Variants in CELF2 observed in about 807,000 individuals in gnomAD.
CELF2 encodes the protein CUG triplet repeat RNA-binding protein 2.
Under a neutral mutation model 62.6 loss-of-function variants are expected in CELF2, and 8 were observed. The observed-to-expected ratio is 0.13, with a 90% CI of 0.07 to 0.23. The LOEUF is 0.23. Among genes scored for constraint, CELF2 ranks in the 10% least tolerant of loss-of-function variants. CELF2 has a pLI of 1.00. For synonymous variants in CELF2, 258 were observed against 250.0 expected, an observed-to-expected ratio of 1.03 and a Z score of -0.30; for missense variants, 333 against 671.0, an observed-to-expected ratio of 0.50 and a Z score of 5.56.
intron 2 of CELF2, among the ~76,000 whole-genome samples, chr10:10,951,204 T>TA (rs2048281754): frequency 6.6e-6 from 1 of 152,168 alleles, no homozygotes; most frequent in Non-Finnish European, 1.5e-5. Flanking sequence ...AGGCTGGAGA[T>TA]ACGATCATAG....
chr10:10,673,803 T>C, the CELF2 span, among the ~76,000 whole-genome samples: 1 of 152,210 alleles, frequency 6.6e-6, no homozygotes, highest in African/African-American at 2.4e-5. Flanking sequence ...TAGAAGTCTA[T>C]TTTTTAATCT....
intron 2 of CELF2, among the ~76,000 whole-genome samples, chr10:10,940,266 C>G (rs1024068183): frequency 6.6e-6 from 1 of 151,990 alleles, no homozygotes; most frequent in Non-Finnish European, 1.5e-5. Flanking sequence ...TGTTTTTTTA[C>G]AAGATTAGCA....
intron 2 of CELF2, among the ~76,000 whole-genome samples, chr10:11,182,631 T>C (rs1314916974): frequency 6.6e-6 from 1 of 152,086 alleles, no homozygotes; most frequent in Non-Finnish European, 1.5e-5. Context: ...GAAGAGAAAA[T>C]GAGAGTGGAA....
chr10:10,571,812 A>G, the CELF2 span, among the ~76,000 whole-genome samples: 1 of 152,182 alleles, frequency 6.6e-6, no homozygotes, highest in Non-Finnish European at 1.5e-5. Flanking sequence ...TTAGAAGTGA[A>G]GTATAGGCAC....
the CELF2 span, among the ~76,000 whole-genome samples, chr10:10,709,331 A>G: frequency 6.6e-6 from 1 of 152,234 alleles, no homozygotes; most frequent in Non-Finnish European, 1.5e-5. Flanking sequence ...AGAAATCTCC[A>G]GTTTCCTCTT....
chr10:11,122,004 T>C (rs2057850035), intron 1 of CELF2, among the ~76,000 whole-genome samples: 1 of 152,236 alleles, frequency 6.6e-6, no homozygotes, highest in Non-Finnish European at 1.5e-5. Context: ...TGGCAGATTA[T>C]GAGTTCATCT....
chr10:10,600,649 A>G, the CELF2 span, among the ~76,000 whole-genome samples: 1 of 152,216 alleles, frequency 6.6e-6, no homozygotes, highest in East Asian at 1.9e-4. Flanking sequence ...AAACTGATAC[A>G]TGTATTTAAC....
intron 1 of CELF2, among the ~76,000 whole-genome samples, chr10:11,049,238 C>G (rs1203228904): frequency 1.4e-5 from 2 of 146,362 alleles, no homozygotes; most frequent in African/African-American, 2.5e-5. Flanking sequence ...AACTGCCTGT[C>G]TTTTTTTCTC....
rs1374342953 is a variant in CELF2 at position 11,223,577 on chromosome 10, C to T, written c.354+6070C>T. Among the ~76,000 whole-genome samples, 1 of 152,208 alleles carries T rather than the reference C, an allele frequency of 6.6e-6. No individual in the cohort carries two copies. The highest frequency in any genetic ancestry group is 2.4e-5 in the African/African-American group (1 of 41,464). On this transcript the variant is annotated intron_variant, in intron 3 of 12. Coordinates refer to ENST00000633077, the MANE Select transcript of CELF2 (RefSeq NM_001326342.2). This position sits in a 1 kb window ranked among gnomAD's most constrained non-coding sequence, Gnocchi z 5.1. ...AAAAGCCAAACAAACAAAATAAGGA[C>T]TTTGTTTCTCTTGGAGATGACTTTT...
Position 11,267,125 on chromosome 10 carries a change from T to G in CELF2, c.618+448T>G, listed in dbSNP as rs1362037976. On this transcript the variant is annotated intron_variant, in intron 6 of 12. Coordinates refer to ENST00000633077, the MANE Select transcript of CELF2 (RefSeq NM_001326342.2). This position sits in a 1 kb window ranked among gnomAD's most constrained non-coding sequence, Gnocchi z 4.4. The stretch of plus-strand genomic sequence containing the variant: ...TCGTTTGTACAGGGTCAAGTTATCT[T>G]CCATCTAGTCAAACAGCATTGTGTT... 6.6e-6 allele frequency among the ~76,000 whole-genome samples: 1 copy of G among 152,232 alleles called. No individual in the cohort carries two copies. The highest frequency in any genetic ancestry group is 1.5e-5 in the Non-Finnish European group (1 of 68,046).
intron 1 of CELF2, among the ~76,000 whole-genome samples, chr10:10,883,890 TCCTCTTCTTCCTCCC>T (rs1248398494): frequency 4.0e-5 from 6 of 151,798 alleles, no homozygotes; most frequent in African/African-American, 1.5e-4. Flanking sequence ...CTCCTCCTCC[TCCTCTTCTTCCTCCC>T]CCTCTTCCTC....
In CELF2 at chr10:11,288,497, C is replaced by A. The variant is rs767886674; in HGVS notation, c.921C>A (p.Thr307=). ...AAAAQTSATS[T]NANPLSTTSS... The stretch of plus-strand genomic sequence containing the variant: ...CGGCCCAGACCTCAGCCACCAGCAC[C>A]AATGCAAACCCTCTCTCTACCACGA... The change falls in exon 9 of 13, where the codon ACC becomes ACA. Residue 307 remains threonine, a synonymous_variant. Transcript: ENST00000633077. The A allele has an allele frequency of 1.5e-5, 25 of 1,613,856 alleles. No individual in the cohort carries two copies. In the African/African-American group the frequency reaches 2.8e-4, roughly 18 times the overall value.
chr10:10,714,008 C>A, the CELF2 span, among the ~76,000 whole-genome samples: 10 of 152,190 alleles, frequency 6.6e-5, no homozygotes, highest in Middle Eastern at 3.4e-3. Flanking sequence ...GCACTCCAGC[C>A]TGGGCAACAG....
the CELF2 span, among the ~76,000 whole-genome samples, chr10:10,493,866 G>C: frequency 6.6e-6 from 1 of 152,124 alleles, no homozygotes; most frequent in African/African-American, 2.4e-5. Context: ...GCGGTAGGCT[G>C]CTCTGTGCCC....
At chr10:11,210,208 A>G (rs1243357639) in intron 2 of CELF2, among the ~76,000 whole-genome samples, 2 of 152,260 alleles carry the variant, frequency 1.3e-5, no homozygotes, top group Non-Finnish European at 2.9e-5. Flanking sequence ...AATAAAAAAA[A>G]GAAAAAATAT....
intron 1 of CELF2, among the ~76,000 whole-genome samples, chr10:10,881,485 C>T: frequency 6.6e-6 from 1 of 152,104 alleles, no homozygotes; most frequent in East Asian, 1.9e-4. Flanking sequence ...AACTTAATGC[C>T]TCTCTCCAAA....
chr10:10,859,613 A>G (rs1277539991), intron 1 of CELF2, among the ~76,000 whole-genome samples: 1 of 152,164 alleles, frequency 6.6e-6, no homozygotes, highest in African/African-American at 2.4e-5. Context: ...AACCACACAC[A>G]CATACACACA....
chr10:11,298,766 T>C (rs538393832), intron 9 of CELF2, among the ~76,000 whole-genome samples: 1 of 152,318 alleles, frequency 6.6e-6, no homozygotes, highest in South Asian at 2.1e-4. Flanking sequence ...AAGTATCATA[T>C]ATGGGAAAGA....
intron 3 of CELF2, among the ~76,000 whole-genome samples, chr10:11,219,104 G>A (rs896752279): frequency 6.6e-6 from 1 of 152,144 alleles, no homozygotes; most frequent in African/African-American, 2.4e-5. Context: ...TAGCATTTAA[G>A]GTATAGTGTA....
Sources: allele counts gnomAD v4.1 joint callset (sites outside exome capture counted in the v4.1 genomes callset), GRCh38; gene constraint gnomAD v4.1.1; non-coding constraint Gnocchi (gnomAD v3.1); transcripts MANE v1.5; gene names NCBI Gene and HGNC (gene_info 2026-07-23, HGNC 2026-07-21).